TMEM63A: variants seen among roughly 807,000 people sequenced by gnomAD.
The protein encoded by TMEM63A is mechanosensitive cation channel TMEM63A.
A neutral mutation model predicts 100.6 loss-of-function variants in TMEM63A; 76 were observed. The ratio of observed to expected loss-of-function variants is 0.76; its 90% confidence interval spans 0.63 to 0.91. The LOEUF is 0.91. TMEM63A is among the 40% of genes least tolerant of loss of function. The pLI is 0.00. For missense variants in TMEM63A, 876 were observed against 1,008.8 expected (o/e 0.87, Z 1.78); for synonymous variants, 401 against 401.1 (o/e 1.00, Z 0.00).
chr1:225,878,024 G>C (rs1185556839), intron 2 of TMEM63A, among the ~76,000 whole-genome samples: 1 of 152,182 alleles, frequency 6.6e-6, no homozygotes, highest in Non-Finnish European at 1.5e-5. Context: ...GGCACACAAA[G>C]GCAGGAAGAG....
At position 225,865,857 on chromosome 1, in the gene TMEM63A, G is replaced by A. The variant is rs753691664; in HGVS notation, c.746+40C>T. On this transcript the variant is annotated intron_variant, in intron 10 of 24. Coordinates refer to ENST00000366835, the MANE Select transcript of TMEM63A (RefSeq NM_014698.3). This position sits in a 1 kb window ranked among gnomAD's most constrained non-coding sequence, Gnocchi z 4.6. ...GCGGGTGGGGCTGTGTTGGTCCTAC[G>A]TGGAGGGGGCTCAGCTCCCCTCCCA... is the stretch of plus-strand genomic sequence containing the variant. 6.8e-6 allele frequency: 11 copies of A among 1,606,066 alleles called. No homozygotes were observed. Among genetic ancestry groups the A allele is most frequent in the South Asian group, 3.3e-5 (3 of 90,580 alleles).
chr1:225,847,746 C>T (rs537308797), intron 23 of TMEM63A, among the ~76,000 whole-genome samples: 12 of 152,338 alleles, frequency 7.9e-5, no homozygotes, highest in Non-Finnish European at 1.6e-4. Flanking sequence ...CCAGCATAGC[C>T]ACAGGTGTGT....
In TMEM63A at chr1:225,862,848, G is replaced by T. The variant is rs200715020; in HGVS notation, c.750C>A (p.Asp250Glu). ...CAACCACCTCACACGTGGGATACGC[G>T]TCCCTGTGGCCAGGGAGAGAAGGAG... is the stretch of plus-strand genomic sequence containing the variant. ...RKETVESHFR[D>E]AYPTCEVVDV... Residue 250 changes from aspartate to glutamate, a missense_variant, in exon 11 of 25, where the codon GAC becomes GAA. Coordinates refer to ENST00000366835, the MANE Select transcript of TMEM63A (RefSeq NM_014698.3). This position sits in a 1 kb window ranked among gnomAD's most constrained non-coding sequence, Gnocchi z 5.1. 6.2e-7 allele frequency: 1 copy of T among 1,613,726 alleles called. No individual in the cohort carries two copies. Among genetic ancestry groups the T allele is most frequent in the South Asian group, 1.1e-5 (1 of 91,030 alleles).
At chr1:225,866,980 C>T in intron 8 of TMEM63A, 132 bp downstream of exon 8, 2 of 927,998 alleles carry the variant, frequency 2.2e-6, no homozygotes, top group Non-Finnish European at 3.5e-6. Flanking sequence ...AGCTCAACAA[C>T]TCACTAGCTG....
chr1:225,850,147 TC>T, intron 20 of TMEM63A, 68 bp from the exon 21 acceptor site: 1 of 1,560,902 alleles, frequency 6.4e-7, no homozygotes, highest in Non-Finnish European at 8.7e-7. Flanking sequence ...CCTCTTCCTC[TC>T]CGGGGCGGCT....
At chr1:225,874,589 C>G (rs1670681458) in intron 3 of TMEM63A, among the ~76,000 whole-genome samples, 1 of 152,240 alleles carries the variant, frequency 6.6e-6, no homozygotes, top group Non-Finnish European at 1.5e-5. Flanking sequence ...GCCCACGCCA[C>G]CAAGGCTGCC....
chr1:225,873,609 T>G (rs534579900), intron 4 of TMEM63A, among the ~76,000 whole-genome samples: 2 of 152,284 alleles, frequency 1.3e-5, no homozygotes, highest in African/African-American at 4.8e-5. Flanking sequence ...CAGAATTCAC[T>G]GTCACCCTTC....
intron 4 of TMEM63A, 41 bp from the exon 5 acceptor site, chr1:225,872,094 G>T: frequency 2.8e-6 from 3 of 1,067,506 alleles, no homozygotes; most frequent in Non-Finnish European, 3.9e-6. Context: ...ATAATTCTTA[G>T]AAAAAAAAAA....
At position 225,862,681 on chromosome 1, in the gene TMEM63A, G is replaced by T; in HGVS notation, c.827+90C>A. 1 of 1,607,482 alleles carries T rather than the reference G, an allele frequency of 6.2e-7. No individual in the cohort carries two copies. Among genetic ancestry groups the T allele is most frequent in the Non-Finnish European group, 8.5e-7 (1 of 1,176,328 alleles). ...ATCGAACGCCAGGGGAGAAGGAGGG[G>T]TCCAGGGCCTCCCGCCTCCCTTCCT... On this transcript the variant is annotated intron_variant, in intron 11 of 24. Transcript: ENST00000366835. This position sits in a 1 kb window ranked among gnomAD's most constrained non-coding sequence, Gnocchi z 5.1.
At position 225,867,982 on chromosome 1, in the gene TMEM63A, C is replaced by G. The variant is rs751383468; in HGVS notation, c.420G>C (p.Leu140=). ...EWCGEDAIHY[L]SFQRHIIFLL... ...GGAAGATGATGTGCCTCTGGAAGGA[C>G]AGGTAGTGGATGGCGTCCTCCCCAC... Residue 140 remains leucine (L), a synonymous_variant, in exon 7 of 25, where the codon CTG becomes CTC. Transcript: ENST00000366835. This position sits in a 1 kb window ranked among gnomAD's most constrained non-coding sequence, Gnocchi z 4.6. 6.2e-7 allele frequency: 1 copy of G among 1,614,150 alleles called. No homozygotes were observed. Among genetic ancestry groups the G allele is most frequent in the East Asian group, 2.2e-5 (1 of 44,880 alleles).
intron 22 of TMEM63A, 143 bp from the exon 23 acceptor site, chr1:225,848,697 T>TG: frequency 1.0e-6 from 1 of 955,914 alleles, no homozygotes; most frequent in Non-Finnish European, 1.6e-6. Flanking sequence ...GAGGATGGGG[T>TG]GGGGGAGTGC....
downstream of TMEM63A, among the ~76,000 whole-genome samples, chr1:225,841,899 C>T (rs1016529770): frequency 1.3e-5 from 2 of 152,236 alleles, no homozygotes; most frequent in Non-Finnish European, 2.9e-5. Flanking sequence ...CCAATGCCCC[C>T]AGCCTGTTCC....
At chr1:225,856,860 G>A (rs780979316) in intron 16 of TMEM63A, 51 bp downstream of exon 16, 3 of 1,592,848 alleles carry the variant, frequency 1.9e-6, no homozygotes, top group South Asian at 1.1e-5. Context: ...CAAGGGAGCG[G>A]TCAGAGATAT....
chr1:225,857,141 C>G, intron 15 of TMEM63A, 124 bp from the exon 16 acceptor site: 1 of 763,040 alleles, frequency 1.3e-6, no homozygotes, highest in African/African-American at 1.8e-5. Context: ...TCTCTGACCC[C>G]AGAACCAAAA....
At position 225,867,855 on chromosome 1, in the gene TMEM63A, T is replaced by C; in HGVS notation, c.514+33A>G. 6.2e-7 allele frequency: 1 copy of C among 1,613,546 alleles called. No homozygotes were observed. The highest frequency in any genetic ancestry group is 2.2e-5 in the East Asian group (1 of 44,870). On this transcript the variant is annotated intron_variant, in intron 7 of 24. Transcript: ENST00000366835. The surrounding 1 kb of genome is among the most constrained non-coding windows in gnomAD (Gnocchi z 4.6). ...CCCTAGGACTGCCACTCTGCCCCAT[T>C]ACAACATAGACAAGGGTGAGGAGGG...
chr1:225,858,735 C>T (rs1576083856), intron 15 of TMEM63A, among the ~76,000 whole-genome samples: 1 of 152,118 alleles, frequency 6.6e-6, no homozygotes. Context: ...GGCCCCTCCC[C>T]GTAGTGTCCA....
At chr1:225,847,256 C>A in intron 23 of TMEM63A, 43 bp from the exon 24 acceptor site, 1 of 1,592,974 alleles carries the variant, frequency 6.3e-7, no homozygotes, top group Non-Finnish European at 8.6e-7. Context: ...CAGGCATGAG[C>A]TTCCACACTG....
At position 225,862,772 on chromosome 1, in the gene TMEM63A, T is replaced by C. The variant is rs376750060; in HGVS notation, c.826A>G (p.Lys276Glu). ...TTGCAAGGCCCGCCCACCACTCACT[T>C]CTCCTTGCACAGGTAGATCAGTTTG... ...VAKLIYLCKE[K>E]KKTEKSLTYY... Residue 276 changes from lysine (K) to glutamate (E), a missense_variant and splice_region_variant, in exon 11 of 25, where the codon AAA (lysine) becomes GAA (glutamate). This residue lies in a region of TMEM63A where 487 missense variants were observed against 581.9 expected (regional missense o/e 0.84). Coordinates refer to ENST00000366835, the MANE Select transcript of TMEM63A (RefSeq NM_014698.3). The surrounding 1 kb of genome is among the most constrained non-coding windows in gnomAD (Gnocchi z 5.1). The C allele has an allele frequency of 2.5e-6, 4 of 1,613,690 alleles. No homozygotes were observed. The African/African-American group carries it at 5.3e-5, about 22-fold the overall frequency.
At chr1:225,850,738 CAG>C (rs917009615) in intron 20 of TMEM63A, among the ~76,000 whole-genome samples, 15 of 152,238 alleles carry the variant, frequency 9.9e-5, no homozygotes, top group South Asian at 4.1e-4. Context: ...TTTTTTGAGA[CAG>C]AGTCTCTGTT....
Sources: allele counts gnomAD v4.1 joint callset (sites outside exome capture counted in the v4.1 genomes callset), GRCh38; gene constraint gnomAD v4.1.1; regional missense constraint gnomAD v4.1.1; non-coding constraint Gnocchi (gnomAD v3.1); transcripts MANE v1.5; gene names NCBI Gene and HGNC (gene_info 2026-07-23, HGNC 2026-07-21).